Variants in ERO1A observed in about 807,000 individuals in gnomAD.
ERO1A encodes the protein ERO1-like protein alpha.
ERO1A carries 49 observed loss-of-function variants against 76.9 expected under a neutral mutation model. The ratio of observed to expected loss-of-function variants is 0.64; its 90% CI spans 0.51 to 0.81. The LOEUF (loss-of-function observed/expected upper bound fraction) is 0.81, where lower values mean the gene tolerates loss of function less well. Ranked by LOEUF, ERO1A falls within the 30% of genes least tolerant of loss-of-function variation. The pLI is 0.00. For missense variants in ERO1A, 448 were observed against 542.1 expected (o/e 0.83, Z 1.72); for synonymous variants, 174 against 181.2 (o/e 0.96, Z 0.32).
intron 11 of ERO1A, among the ~76,000 whole-genome samples, chr14:52,656,341 A>T (rs2040044429): frequency 6.6e-6 from 1 of 152,210 alleles, no homozygotes; most frequent in Non-Finnish European, 1.5e-5. Flanking sequence ...ATGAAAAAAA[A>T]TAATAGTCAA....
intron 3 of ERO1A, among the ~76,000 whole-genome samples, chr14:52,679,518 T>C (rs542068615): frequency 2.0e-4 from 30 of 151,996 alleles, no homozygotes; most frequent in African/African-American, 6.3e-4. Flanking sequence ...GTTCAAATGA[T>C]TCTTGTACCT....
intron 11 of ERO1A, among the ~76,000 whole-genome samples, chr14:52,654,416 A>AT (rs570221745): frequency 2.5e-4 from 38 of 151,420 alleles, no homozygotes; most frequent in African/African-American, 7.0e-4. Flanking sequence ...ATAAGCCTGT[A>AT]TTTTTTTTTA....
chr14:52,667,282 A>G (rs1016824366), intron 6 of ERO1A, among the ~76,000 whole-genome samples: 20 of 152,246 alleles, frequency 1.3e-4, no homozygotes, highest in Admixed American at 9.8e-4. Flanking sequence ...TTATTTATAA[A>G]AGGGAAAATT....
intron 4 of ERO1A, among the ~76,000 whole-genome samples, chr14:52,676,657 G>A (rs966719943): frequency 2.0e-5 from 3 of 152,144 alleles, no homozygotes; most frequent in African/African-American, 4.8e-5. Context: ...ATACGTTCTT[G>A]TTGGTCATCT....
chr14:52,647,122 C>A lies in ERO1A; in HGVS notation c.1126-661G>T, dbSNP rs954872355. On this transcript the variant is annotated intron_variant, in intron 13 of 15. Coordinates refer to ENST00000395686, the MANE Select transcript of ERO1A (RefSeq NM_014584.3). ...TCCTGAGTAGCCGGGACTACAGGCACCTGCCACCACGCCCAGCTAATTTTT... is the reference window on the plus strand; with the variant it reads ...TCCTGAGTAGCCGGGACTACAGGCAACTGCCACCACGCCCAGCTAATTTTT... 3.3e-5 allele frequency: 5 copies of A among 151,502 alleles called. No individual in the cohort carries two copies. In the East Asian group the frequency reaches 7.5e-4, roughly 23 times the overall value. The allele number at this position is 151,502 out of a possible 1,614,324, so 9.4% of individuals were successfully genotyped here.
In ERO1A at chr14:52,660,884, A is replaced by G. The variant is rs72684267; in HGVS notation, c.688+409T>C. On this transcript the variant is annotated intron_variant, in intron 9 of 15. Coordinates refer to ENST00000395686, the MANE Select transcript of ERO1A (RefSeq NM_014584.3). ...CTTGGCAATGACACCTACATCCAAC[A>G]AGTCAGCATCAACCTTAGAAGCCAG... Among the ~76,000 whole-genome samples, 191 of 152,310 alleles carry G rather than the reference A, an allele frequency of 1.3e-3. 1 individual carries two copies. Among genetic ancestry groups the G allele is most frequent in the Middle Eastern group, 3.4e-3 (1 of 294 alleles).
rs1207531785 is a variant in ERO1A at position 52,641,359 on chromosome 14, T to TG, written c.*2210dup. 5 of 141,164 alleles carry TG rather than the reference T, an allele frequency of 3.5e-5. No homozygotes were observed. Among genetic ancestry groups the TG allele is most frequent in the African/African-American group, 1.3e-4 (5 of 37,388 alleles). 8.7% of individuals were successfully genotyped at this position (141,164 alleles called of 1,614,324 possible). A position where few individuals can be genotyped will look rare whatever the true frequency, so the allele number is the denominator to read the frequency against. On this transcript the variant is annotated 3_prime_UTR_variant, in exon 16 of 16. Transcript: ENST00000395686. ...GCTCACGCCTGTAATCCCAGCACTT[T>TG]GGGAGGTCGAGGTGGGTGGATCACG...
intron 1 of ERO1A, among the ~76,000 whole-genome samples, chr14:52,685,948 T>C (rs2041162895): frequency 6.6e-6 from 1 of 152,156 alleles, no homozygotes; most frequent in Non-Finnish European, 1.5e-5. Flanking sequence ...TAATTATTTG[T>C]GGCCTGTAAT....
Position 52,695,471 on chromosome 14 carries a change from C to T in ERO1A, c.11G>A (p.Gly4Asp). Residue 4 changes from glycine (G) to aspartate (D), a missense_variant, in exon 1 of 16, where the codon GGC (glycine) becomes GAC (aspartate). Transcript: ENST00000395686. ...CAGGAGGCCAAACAAGAATCCCCAGCCGCGGCCCATTGCAGCTCCGGCAGC... is the reference window on the plus strand; with the variant it reads ...CAGGAGGCCAAACAAGAATCCCCAGTCGCGGCCCATTGCAGCTCCGGCAGC... MGRGWGFLFGLLGA... is the reference protein window; with the variant it reads MGRDWGFLFGLLGA... The T allele has an allele frequency of 6.5e-7, 1 of 1,526,884 alleles. No homozygotes were observed. Among genetic ancestry groups the T allele is most frequent in the East Asian group, 2.6e-5 (1 of 38,360 alleles). The allele number at this position is 1,526,884 out of a possible 1,614,324, so 94.6% of individuals were successfully genotyped here.
chr14:52,652,857 G>A (rs1008245240), intron 12 of ERO1A, among the ~76,000 whole-genome samples: 1 of 151,980 alleles, frequency 6.6e-6, no homozygotes, highest in Non-Finnish European at 1.5e-5. Context: ...AATTAGCCCG[G>A]TGTGGTGGTT....
intron 7 of ERO1A, among the ~76,000 whole-genome samples, chr14:52,665,209 G>A (rs2040370451): frequency 6.6e-6 from 1 of 151,354 alleles, no homozygotes; most frequent in Non-Finnish European, 1.5e-5. Context: ...GGCTGAGGCA[G>A]GAGAATCGCT....
intron 4 of ERO1A, among the ~76,000 whole-genome samples, chr14:52,672,441 G>A (rs1453805699): frequency 6.6e-6 from 1 of 152,008 alleles, no homozygotes. Context: ...CATCAAATAA[G>A]TTGTCTCTAT....
chr14:52,675,111 C>T (rs1006050468), intron 4 of ERO1A, among the ~76,000 whole-genome samples: 1 of 152,024 alleles, frequency 6.6e-6, no homozygotes, highest in Non-Finnish European at 1.5e-5. Context: ...AGGCCGGGCA[C>T]GGTGGCTCAC....
Position 52,683,909 on chromosome 14 carries a change from T to C in ERO1A, c.115-2A>G. ...ACAATCATCCAAGTAACCACTAACC[T>C]GTTACAAAGAAAATGAAATATTAAA... On this transcript the variant is annotated splice_acceptor_variant, in intron 1 of 15. Coordinates refer to ENST00000395686, the MANE Select transcript of ERO1A (RefSeq NM_014584.3). LOFTEE classifies it high-confidence loss of function. 6.4e-7 allele frequency: 1 copy of C among 1,557,068 alleles called. No individual in the cohort carries two copies. The highest frequency in any genetic ancestry group is 2.0e-5 in the Admixed American group (1 of 48,844).
intron 1 of ERO1A, among the ~76,000 whole-genome samples, chr14:52,687,171 T>C (rs1566647788): frequency 1.3e-5 from 2 of 152,142 alleles, no homozygotes; most frequent in African/African-American, 2.4e-5. Flanking sequence ...CTCATGCCTG[T>C]AATCAGCACT....
rs1196495451 is a variant in ERO1A at position 52,663,290 on chromosome 14, GA to G, written c.676+510del. On this transcript the variant is annotated intron_variant, in intron 8 of 15. Coordinates refer to ENST00000395686, the MANE Select transcript of ERO1A (RefSeq NM_014584.3). ...TTATTTTTTGATAATCTAATACCAG[GA>G]ACTTCATTATAAAAATACTTTTTAC... 1.3e-3 allele frequency among the ~76,000 whole-genome samples: 193 copies of G among 151,996 alleles called. 1 individual carries two copies. Among genetic ancestry groups the G allele is most frequent in the African/African-American group, 4.5e-3 (188 of 41,464 alleles).
intron 11 of ERO1A, 76 bp from the exon 12 acceptor site, chr14:52,653,391 C>T (rs924299262): frequency 8.8e-7 from 1 of 1,136,606 alleles, no homozygotes; most frequent in East Asian, 2.5e-5. Flanking sequence ...GTTATTCATG[C>T]CTATAGAAGT....
At position 52,646,378 on chromosome 14, in the gene ERO1A, A is replaced by T; in HGVS notation, c.1209T>A (p.Leu403=). 6.2e-7 allele frequency: 1 copy of T among 1,611,756 alleles called. No homozygotes were observed. The highest frequency in any genetic ancestry group is 8.5e-7 in the Non-Finnish European group (1 of 1,179,240). The change falls in exon 14 of 16, where the codon CTT becomes CTA. Residue 403 remains leucine (L), a synonymous_variant. Coordinates refer to ENST00000395686, the MANE Select transcript of ERO1A (RefSeq NM_014584.3). Reference sequence around the variant, plus strand: ...AGGAATGACTAAATTTGCTTACCTGAAGCTTTCCCCACAGACGACATTTAA... The same window carrying T: ...AGGAATGACTAAATTTGCTTACCTGTAGCTTTCCCCACAGACGACATTTAA... The part of the protein sequence containing the change: ...GCFKCRLWGK[L]QTQGLGTALK...
At chr14:52,677,684 CTCTA>C (rs1414713475) in intron 4 of ERO1A, among the ~76,000 whole-genome samples, 18 of 151,366 alleles carry the variant, frequency 1.2e-4, no homozygotes, top group South Asian at 1.0e-3. Context: ...CATGGCAAGA[CTCTA>C]TCTCTACAGA....
Sources: gnomAD v4.1 joint callset for allele counts (sites outside exome capture counted in the v4.1 genomes callset) on GRCh38, gnomAD v4.1.1 for gene constraint, MANE v1.5 for transcripts, NCBI Gene and HGNC (gene_info 2026-07-23, HGNC 2026-07-21) for gene names.